ESR1: variants seen among roughly 807,000 people sequenced by gnomAD.
ESR1 encodes estrogen receptor.
Under a neutral mutation model 52.7 loss-of-function variants are expected in ESR1, and 12 were observed. That is an observed-to-expected ratio of 0.23 (90% confidence interval 0.15 to 0.37). ESR1 has a LOEUF of 0.37. Among genes scored for constraint, ESR1 ranks in the 10% least tolerant of loss-of-function variants. ESR1 has a pLI of 1.00. For synonymous variants in ESR1, 305 were observed against 316.8 expected (o/e 0.96, Z 0.39); for missense variants, 584 against 779.7 (o/e 0.75, Z 2.99).
Position 151,817,561 on chromosome 6 carries a change from C to T in ESR1, c.452+9197C>T, listed in dbSNP as rs541053194. 7.4e-4 allele frequency among the ~76,000 whole-genome samples: 113 copies of T among 152,266 alleles called. 1 individual carries two copies. Among genetic ancestry groups the T allele is most frequent in the African/African-American group, 2.4e-3 (100 of 41,544 alleles). On this transcript the variant is annotated intron_variant, in intron 1 of 7. Transcript: ENST00000206249. ...TGGGGAGAAAGATCACAGTAGCTTT[C>T]AATTCTACTCCTCAGCTTTCCAAAA...
intron 1 of ESR1, among the ~76,000 whole-genome samples, chr6:151,657,236 A>G (rs962041840): frequency 6.6e-6 from 1 of 152,216 alleles, no homozygotes; most frequent in African/African-American, 2.4e-5. Flanking sequence ...TTTTAAAAAG[A>G]TGTAGCAAAA....
intron 2 of ESR1, among the ~76,000 whole-genome samples, chr6:151,851,254 C>T (rs1326494327): frequency 2.6e-5 from 4 of 152,110 alleles, no homozygotes; most frequent in Non-Finnish European, 5.9e-5. Context: ...TCTTCGAACC[C>T]TAATCAAAAG....
Position 152,098,307 on chromosome 6 carries a change from C to T in ESR1, c.1554-425C>T, listed in dbSNP as rs528218851. 2.0e-5 allele frequency among the ~76,000 whole-genome samples: 3 copies of T among 152,172 alleles called. No homozygotes were observed. In the South Asian group the frequency reaches 6.2e-4, roughly 32 times the overall value. ...ATGGAGCGTCTTGAACTGCTTTACT[C>T]ATTTAAAATACCCACTCCTGCTTGG... is the stretch of plus-strand genomic sequence containing the variant. On this transcript the variant is annotated intron_variant, in intron 7 of 7. Coordinates refer to ENST00000206249, the MANE Select transcript of ESR1 (RefSeq NM_000125.4). The surrounding 1 kb of genome is among the most constrained non-coding windows in gnomAD (Gnocchi z 5.1).
At chr6:151,906,059 G>A (rs191765603) in intron 3 of ESR1, among the ~76,000 whole-genome samples, 1 of 152,170 alleles carries the variant, frequency 6.6e-6, no homozygotes, top group Non-Finnish European at 1.5e-5. Context: ...TGCAACCTCG[G>A]CGTAAATGGG....
chr6:152,036,391 A>C (rs997640745), intron 5 of ESR1, among the ~76,000 whole-genome samples: 2 of 152,162 alleles, frequency 1.3e-5, no homozygotes, highest in Admixed American at 1.3e-4. Context: ...AATCAAAACA[A>C]AAAACAAAAC....
At chr6:151,973,192 A>G (rs890849156) in intron 4 of ESR1, among the ~76,000 whole-genome samples, 1 of 152,174 alleles carries the variant, frequency 6.6e-6, no homozygotes, top group East Asian at 1.9e-4. Context: ...CAACCAAAAG[A>G]TTATCTCATT....
intron 5 of ESR1, among the ~76,000 whole-genome samples, chr6:152,059,296 G>T (rs888610901): frequency 4.6e-5 from 7 of 151,766 alleles, no homozygotes; most frequent in African/African-American, 1.7e-4. Flanking sequence ...ATGTTATGTT[G>T]TATATATTTA....
chr6:151,774,004 A>G (rs867949487), intron 2 of ESR1, among the ~76,000 whole-genome samples: 1 of 137,938 alleles, frequency 7.2e-6, no homozygotes, highest in Non-Finnish European at 1.5e-5. Context: ...AGACTGGGAC[A>G]TGATGCTTTG....
intron 1 of ESR1, 49 bp from the exon 2 acceptor site, chr6:151,842,548 A>G: frequency 4.0e-6 from 6 of 1,503,108 alleles, no homozygotes; most frequent in Admixed American, 1.8e-5. Context: ...CAGAGAGTGC[A>G]TGTTTTGCTT....
chr6:152,015,029 T>G (rs1413305523), intron 5 of ESR1, among the ~76,000 whole-genome samples: 1 of 152,120 alleles, frequency 6.6e-6, no homozygotes, highest in African/African-American at 2.4e-5. Flanking sequence ...ATTGTGCCAT[T>G]GCACTCCAGC....
chr6:151,763,566 G>A (rs962570912), intron 2 of ESR1, among the ~76,000 whole-genome samples: 1 of 152,104 alleles, frequency 6.6e-6, no homozygotes, highest in African/African-American at 2.4e-5. Context: ...CTGACAGGAC[G>A]GTGTTGCCTA....
chr6:151,943,239 G>A (rs2128521271), intron 3 of ESR1, among the ~76,000 whole-genome samples: 1 of 152,116 alleles, frequency 6.6e-6, no homozygotes, highest in East Asian at 1.9e-4. Context: ...AATTAGCCGG[G>A]CATGGTGGCA....
upstream of ESR1, among the ~76,000 whole-genome samples, chr6:151,689,609 T>C (rs1248571297): frequency 6.6e-6 from 1 of 152,200 alleles, no homozygotes; most frequent in Admixed American, 6.5e-5. Flanking sequence ...TTCTTTCCCA[T>C]GCCAGTTTTG....
intron 2 of ESR1, among the ~76,000 whole-genome samples, chr6:151,741,135 C>T (rs1308379976): frequency 1.3e-5 from 2 of 152,140 alleles, no homozygotes; most frequent in African/African-American, 2.4e-5. Context: ...TGTCCATTTT[C>T]TATCCTTTGT....
intron 2 of ESR1, among the ~76,000 whole-genome samples, chr6:151,732,075 A>AT (rs1323608726): frequency 6.6e-6 from 1 of 152,198 alleles, no homozygotes; most frequent in Admixed American, 6.5e-5. Context: ...TCTTTCTGTC[A>AT]TTTTTGAGAG....
chr6:151,815,517 C>A (rs1779479292), intron 1 of ESR1, among the ~76,000 whole-genome samples: 1 of 152,144 alleles, frequency 6.6e-6, no homozygotes, highest in Non-Finnish European at 1.5e-5. Flanking sequence ...TGGTTTGCTT[C>A]AGTCTATTGG....
chr6:152,023,894 TC>T (rs1312893732), intron 5 of ESR1, among the ~76,000 whole-genome samples: 6 of 152,238 alleles, frequency 3.9e-5, no homozygotes, highest in Middle Eastern at 6.8e-3. Context: ...CAAATACGAC[TC>T]CCTTACATTT....
At chr6:151,985,601 A>C (rs1562633276) in intron 4 of ESR1, among the ~76,000 whole-genome samples, 1 of 151,112 alleles carries the variant, frequency 6.6e-6, no homozygotes. Context: ...GGATCTTGTG[A>C]AGAGTTGAAA....
At chr6:151,715,472 T>A (rs1005540985) in intron 2 of ESR1, among the ~76,000 whole-genome samples, 4 of 151,996 alleles carry the variant, frequency 2.6e-5, no homozygotes, top group African/African-American at 9.7e-5. Flanking sequence ...TTCAGGTACA[T>A]CATCAAATAT....
Sources: gnomAD v4.1 joint callset for allele counts (sites outside exome capture counted in the v4.1 genomes callset) on GRCh38, gnomAD v4.1.1 for gene constraint, Gnocchi (gnomAD v3.1) non-coding constraint, MANE v1.5 for transcripts, NCBI Gene and HGNC (gene_info 2026-07-23, HGNC 2026-07-21) for gene names.